The following COL5A3 variants were observed in gnomAD, a reference collection of about 807,000 sequenced individuals.
COL5A3 encodes collagen type V alpha 3 chain, also known as collagen alpha-3(V) chain.
In COL5A3, 172 loss-of-function variants were observed where a neutral mutation model predicts 250.0. The ratio of observed to expected loss-of-function variants is 0.69; its 90% CI spans 0.61 to 0.78. COL5A3 has a LOEUF of 0.78. COL5A3 is among the 30% of genes least tolerant of loss of function. The probability of loss-of-function intolerance (pLI) is 0.00; values close to 1 mark genes in which losing one functional copy is unlikely to be tolerated. For synonymous variants in COL5A3, 937 were observed against 900.4 expected (o/e 1.04, Z -0.73); for missense variants, 2,340 against 2,334.4 (o/e 1.00, Z -0.05).
At chr19:10,006,007 G>A in intron 2 of COL5A3, 22 bp from the exon 3 acceptor site, 1 of 1,611,900 alleles carries the variant, frequency 6.2e-7, no homozygotes, top group Non-Finnish European at 8.5e-7. Context: ...GAGGGAACAA[G>A]GCAGCTCAGA....
intron 35 of COL5A3, 33 bp from the exon 36 acceptor site, chr19:9,980,080 C>T (rs2086986193): frequency 1.3e-6 from 2 of 1,573,570 alleles, no homozygotes; most frequent in Non-Finnish European, 1.7e-6. Context: ...GATCTCATCC[C>T]CCCTGCCTCC....
rs1412507887 is a variant in COL5A3 at position 9,968,952 on chromosome 19, C to T, written c.4153-224G>A. ...GTGAGTGGTCAGTGGCCAAGGTCAG[C>T]GTGGGTGATCAGTGTAGACCATTAA... is the stretch of plus-strand genomic sequence containing the variant. On this transcript the variant is annotated intron_variant, in intron 57 of 66. Coordinates refer to ENST00000264828, the MANE Select transcript of COL5A3 (RefSeq NM_015719.4). This position sits in a 1 kb window ranked among gnomAD's most constrained non-coding sequence, Gnocchi z 4.1. 35 of 618,994 alleles carry T rather than the reference C, an allele frequency of 5.7e-5. No homozygotes were observed. The highest frequency in any genetic ancestry group is 3.0e-4 in the Middle Eastern group (1 of 3,322). The allele number at this position is 618,994 out of a possible 1,614,324, so 38.3% of individuals were successfully genotyped here.
intron 40 of COL5A3, 87 bp from the exon 41 acceptor site, chr19:9,978,714 C>T: frequency 2.0e-6 from 2 of 1,011,522 alleles, no homozygotes; most frequent in Non-Finnish European, 2.9e-6. Flanking sequence ...ACAGTCCCCA[C>T]CTCTCTCCTG....
At chr19:9,976,261 G>A (rs1428882525) in intron 45 of COL5A3, among the ~76,000 whole-genome samples, 5 of 151,456 alleles carry the variant, frequency 3.3e-5, no homozygotes, top group Admixed American at 6.6e-5. Flanking sequence ...GGTTGACTCC[G>A]AATTTGGGAT....
Position 9,989,142 on chromosome 19 carries a change from A to G in COL5A3, c.2127T>C (p.Pro709=). 1 of 1,614,222 alleles carries G rather than the reference A, an allele frequency of 6.2e-7. No individual in the cohort carries two copies. Among genetic ancestry groups the G allele is most frequent in the South Asian group, 1.1e-5 (1 of 91,090 alleles). Residue 709 remains proline (P), a synonymous_variant, in exon 27 of 67, where the codon CCT becomes CCC. Coordinates refer to ENST00000264828, the MANE Select transcript of COL5A3 (RefSeq NM_015719.4). The part of the protein sequence containing the change: ...PPGSAGPPGY[P]GPRGVKGTSG... ...CACCTACCTTCACTCCCCGAGGTCC[A>G]GGATAGCCCGGAGGGCCTGCCGACC...
Position 10,009,190 on chromosome 19 carries a change from G to A in COL5A3, c.88+1108C>T, listed in dbSNP as rs1054650905. On this transcript the variant is annotated intron_variant, in intron 1 of 66. Transcript: ENST00000264828. This position sits in a 1 kb window ranked among gnomAD's most constrained non-coding sequence, Gnocchi z 4.4. ...TGTGTGTGTGTGTGTGTGTGTGTGT[G>A]TGTGTGTGTGTGTGTTGGGAGACTG... is the stretch of plus-strand genomic sequence containing the variant. Among the ~76,000 whole-genome samples, 1 of 151,670 alleles carries A rather than the reference G, an allele frequency of 6.6e-6. No individual in the cohort carries two copies. The highest frequency in any genetic ancestry group is 2.4e-5 in the African/African-American group (1 of 41,242).
chr19:10,005,614 T>C lies in COL5A3; in HGVS notation c.538A>G (p.Ser180Gly). Residue 180 changes from serine (S) to glycine (G), a missense_variant, in exon 4 of 67, where the codon AGC becomes GGC. Coordinates refer to ENST00000264828, the MANE Select transcript of COL5A3 (RefSeq NM_015719.4). ...CCCAGCACAGTGAGTCCAGCTATGCTGATGAAGCGGGGGCCATGGCCCAAA... is the reference window on the plus strand; with the variant it reads ...CCCAGCACAGTGAGTCCAGCTATGCCGATGAAGCGGGGGCCATGGCCCAAA... ...PVLGHGPRFI[S>G]IAGLTVLGTQ... 1 of 1,614,156 alleles carries C rather than the reference T, an allele frequency of 6.2e-7. No homozygotes were observed. The highest frequency in any genetic ancestry group is 1.1e-5 in the South Asian group (1 of 91,078).
chr19:10,003,558 C>A lies in COL5A3; in HGVS notation c.849+7G>T. The A allele has an allele frequency of 6.2e-7, 1 of 1,613,926 alleles. No homozygotes were observed. Among genetic ancestry groups the A allele is most frequent in the Non-Finnish European group, 8.5e-7 (1 of 1,179,876 alleles). On this transcript the variant is annotated splice_region_variant and intron_variant, in intron 6 of 66. Coordinates refer to ENST00000264828, the MANE Select transcript of COL5A3 (RefSeq NM_015719.4). ...AAACCGGAAGTGAGAGGTCTCAGGG[C>A]CCTTACCTGGTTCTCTGCGGAGTCA...
intron 51 of COL5A3, among the ~76,000 whole-genome samples, chr19:9,972,117 T>TCATCCATTCATTCATATTCATG (rs1346910570): frequency 3.3e-5 from 5 of 152,262 alleles, no homozygotes; most frequent in Non-Finnish European, 5.9e-5. Context: ...ACTCATTCAT[T>TCATCCATTCATTCATATTCATG]CATCCATTCA....
intron 4 of COL5A3, among the ~76,000 whole-genome samples, chr19:10,005,086 G>T (rs963681365): frequency 5.3e-5 from 8 of 152,146 alleles, no homozygotes; most frequent in Non-Finnish European, 8.8e-5. Flanking sequence ...GCCAGGCGCG[G>T]TGGCTCATAC....
At chr19:9,995,164 T>A (rs2145126559) in intron 16 of COL5A3, among the ~76,000 whole-genome samples, 1 of 152,270 alleles carries the variant, frequency 6.6e-6, no homozygotes. Context: ...TGCCTCGGCC[T>A]CCCTAAGTGC....
Position 10,005,910 on chromosome 19 carries a change from G to A in COL5A3, c.323C>T (p.Ser108Phe), listed in dbSNP as rs1423958422. ...GQPANQSVLLSIYDERGARQL... is the reference protein window; with the variant it reads ...GQPANQSVLLFIYDERGARQL... The stretch of plus-strand genomic sequence containing the variant: ...CCGGGCACCCCTTTCATCATAAATG[G>A]ACAGCAGGACAGACTGATTGGCTGG... Residue 108 changes from serine (S) to phenylalanine (F), a missense_variant, in exon 3 of 67, where the codon TCC (serine) becomes TTC (phenylalanine). Transcript: ENST00000264828. 6.2e-7 allele frequency: 1 copy of A among 1,614,060 alleles called. No individual in the cohort carries two copies. The highest frequency in any genetic ancestry group is 1.1e-5 in the South Asian group (1 of 91,076).
intron 65 of COL5A3, among the ~76,000 whole-genome samples, chr19:9,962,144 T>TTGCCCA (rs2086683386): frequency 6.6e-6 from 1 of 152,074 alleles, no homozygotes. Context: ...TCTCGCTCTG[T>TTGCCCA]TGCCCAGGCT....
Position 9,968,956 on chromosome 19 carries a change from G to A in COL5A3, c.4153-228C>T. On this transcript the variant is annotated intron_variant, in intron 57 of 66. Transcript: ENST00000264828. The surrounding 1 kb of genome is among the most constrained non-coding windows in gnomAD (Gnocchi z 4.1). ...GTGGTCAGTGGCCAAGGTCAGCGTGGGTGATCAGTGTAGACCATTAAGATG... is the reference window on the plus strand; with the variant it reads ...GTGGTCAGTGGCCAAGGTCAGCGTGAGTGATCAGTGTAGACCATTAAGATG... 1 of 619,108 alleles carries A rather than the reference G, an allele frequency of 1.6e-6. No homozygotes were observed. Among genetic ancestry groups the A allele is most frequent in the Admixed American group, 3.0e-5 (1 of 33,340 alleles). The allele number at this position is 619,108 out of a possible 1,614,324, so 38.4% of individuals were successfully genotyped here.
At position 9,968,282 on chromosome 19, in the gene COL5A3, C is replaced by G. The variant is rs1306847538; in HGVS notation, c.4314+103G>C. The G allele has an allele frequency of 1.8e-6, 2 of 1,087,240 alleles. No individual in the cohort carries two copies. Among genetic ancestry groups the G allele is most frequent in the Non-Finnish European group, 2.7e-6 (2 of 731,200 alleles). The allele number at this position is 1,087,240 out of a possible 1,614,324, so 67.3% of individuals were successfully genotyped here. On this transcript the variant is annotated intron_variant, in intron 59 of 66. Coordinates refer to ENST00000264828, the MANE Select transcript of COL5A3 (RefSeq NM_015719.4). The surrounding 1 kb of genome is among the most constrained non-coding windows in gnomAD (Gnocchi z 4.1). ...CATCCCCCTATTTTCCCCACACACA[C>G]CCTCATTAATCCAGACCCACGTTTC...
intron 66 of COL5A3, 31 bp from the exon 67 acceptor site, chr19:9,960,588 T>G (rs757290567): frequency 6.2e-7 from 1 of 1,613,738 alleles, no homozygotes; most frequent in Non-Finnish European, 8.5e-7. Context: ...GACGGTGAGT[T>G]ACCGGGAAGG....
intron 30 of COL5A3, 39 bp downstream of exon 30, chr19:9,986,276 C>T (rs1176211451): frequency 1.5e-6 from 2 of 1,354,510 alleles, no homozygotes; most frequent in Non-Finnish European, 1.0e-6. Context: ...ATTGGGGACA[C>T]CTTGACTGTG....
In COL5A3 at chr19:9,968,088, A is replaced by G; in HGVS notation, c.4315-9T>C. On this transcript the variant is annotated splice_polypyrimidine_tract_variant and intron_variant, in intron 59 of 66. Coordinates refer to ENST00000264828, the MANE Select transcript of COL5A3 (RefSeq NM_015719.4). This position sits in a 1 kb window ranked among gnomAD's most constrained non-coding sequence, Gnocchi z 4.1. ...ATGGGACCAGGGGGACCCTAGGAAA[A>G]GGACATCGGGTCAGTATTGGTGGGG... The G allele has an allele frequency of 6.3e-7, 1 of 1,586,212 alleles. No individual in the cohort carries two copies. Among genetic ancestry groups the G allele is most frequent in the South Asian group, 1.2e-5 (1 of 85,994 alleles).
chr19:10,006,015 A>T (rs1344588342), intron 2 of COL5A3, 30 bp from the exon 3 acceptor site: 2 of 1,610,716 alleles, frequency 1.2e-6, no homozygotes, highest in African/African-American at 2.7e-5. Flanking sequence ...AAGGCAGCTC[A>T]GAGGGCCCAG....
Sources: allele counts gnomAD v4.1 joint callset (sites outside exome capture counted in the v4.1 genomes callset), GRCh38; gene constraint gnomAD v4.1.1; non-coding constraint Gnocchi (gnomAD v3.1); transcripts MANE v1.5; gene names NCBI Gene and HGNC (gene_info 2026-07-23, HGNC 2026-07-21).